RFC3: variants seen among roughly 807,000 people sequenced by gnomAD.
RFC3 encodes the protein A1 38 kDa subunit.
In RFC3, 41 loss-of-function variants were observed where a neutral mutation model predicts 45.1. The observed-to-expected ratio is 0.91, with a 90% CI of 0.71 to 1.18. RFC3 has a LOEUF of 1.18. Among genes scored for constraint, RFC3 ranks in the 50% most tolerant of loss-of-function variants. The pLI, the probability that RFC3 is intolerant of heterozygous loss-of-function variation, is 0.00. For missense variants in RFC3, 423 were observed against 428.1 expected, an observed-to-expected ratio of 0.99 and a Z score of 0.10; for synonymous variants, 149 against 144.0, an observed-to-expected ratio of 1.03 and a Z score of -0.25.
At chr13:33,834,645 A>G (rs1488516766) in intron 7 of RFC3, among the ~76,000 whole-genome samples, 4 of 152,088 alleles carry the variant, frequency 2.6e-5, no homozygotes, top group Non-Finnish European at 4.4e-5. Context: ...TTTCATGCGT[A>G]TATTATCTTG....
chr13:33,919,442 G>A (rs191395055), intron 8 of RFC3, among the ~76,000 whole-genome samples: 18 of 151,934 alleles, frequency 1.2e-4, no homozygotes, highest in East Asian at 9.7e-4. Flanking sequence ...TTATGCATAC[G>A]CTCACAAGAC....
At chr13:33,962,264 C>T (rs2083061912) in intron 8 of RFC3, among the ~76,000 whole-genome samples, 1 of 152,120 alleles carries the variant, frequency 6.6e-6, no homozygotes, top group African/African-American at 2.4e-5. Context: ...ATGGATCTGC[C>T]AAAGAAAGGA....
At chr13:33,828,565 A>C (rs1317407562) in intron 4 of RFC3, among the ~76,000 whole-genome samples, 1 of 152,100 alleles carries the variant, frequency 6.6e-6, no homozygotes, top group Non-Finnish European at 1.5e-5. Flanking sequence ...ACAGTGTCTC[A>C]CTGTGTGGCA....
chr13:33,908,380 C>T (rs1187509355), intron 8 of RFC3, among the ~76,000 whole-genome samples: 1 of 151,832 alleles, frequency 6.6e-6, no homozygotes, highest in African/African-American at 2.4e-5. Flanking sequence ...AACTTGAGTG[C>T]CAAAAGAGCT....
intron 8 of RFC3, among the ~76,000 whole-genome samples, chr13:33,858,938 C>T (rs916073878): frequency 1.3e-5 from 2 of 152,148 alleles, no homozygotes; most frequent in Admixed American, 1.3e-4. Flanking sequence ...AAACTCCATT[C>T]ACAACATACA....
chr13:33,827,771 T>C (rs1328784017), intron 4 of RFC3, among the ~76,000 whole-genome samples: 1 of 152,214 alleles, frequency 6.6e-6, no homozygotes, highest in African/African-American at 2.4e-5. Context: ...TCGTCTTTCT[T>C]GCATAACTGT....
intron 7 of RFC3, among the ~76,000 whole-genome samples, chr13:33,833,153 T>G (rs1006079216): frequency 2.6e-5 from 4 of 152,176 alleles, no homozygotes; most frequent in Admixed American, 1.3e-4. Context: ...TTCTGATCAC[T>G]GGGCTACACA....
At chr13:33,840,975 C>T (rs924013076), downstream of RFC3, among the ~76,000 whole-genome samples, 1 of 152,152 alleles carries the variant, frequency 6.6e-6, no homozygotes, top group Non-Finnish European at 1.5e-5. Flanking sequence ...GGGTCCTCAG[C>T]CCCCTGTGGC....
chr13:33,956,338 A>G (rs1419748210), intron 8 of RFC3, among the ~76,000 whole-genome samples: 1 of 152,226 alleles, frequency 6.6e-6, no homozygotes, highest in African/African-American at 2.4e-5. Flanking sequence ...GTATTAGTTT[A>G]ATCTGAGACG....
chr13:33,899,229 A>AAAAAAAAAAAAAAAAC (rs2082623089), intron 8 of RFC3, among the ~76,000 whole-genome samples: 1 of 109,388 alleles, frequency 9.1e-6, no homozygotes, highest in Non-Finnish European at 2.1e-5. Flanking sequence ...AAAAAAAAAA[A>AAAAAAAAAAAAAAAAC]GAACAAAATT....
At chr13:33,937,429 C>T (rs1019258607) in intron 8 of RFC3, among the ~76,000 whole-genome samples, 1 of 152,088 alleles carries the variant, frequency 6.6e-6, no homozygotes, top group African/African-American at 2.4e-5. Flanking sequence ...CTTATATATA[C>T]AATTTTTTAA....
chr13:33,818,330 C>T lies in RFC3; in HGVS notation c.87+65C>T, dbSNP rs370698384. 1.7e-5 allele frequency: 23 copies of T among 1,362,178 alleles called. No homozygotes were observed. In the East Asian group the frequency reaches 3.5e-4, roughly 20 times the overall value. 84.4% of individuals were successfully genotyped at this position (1,362,178 alleles called of 1,614,324 possible). The stretch of plus-strand genomic sequence containing the variant: ...CCCCCGGCTCGGGGTTTCGCGCCCC[C>T]CTGAGGAGCAGTGCTTCTCCCGCCC... On this transcript the variant is annotated intron_variant, in intron 1 of 8. Transcript: ENST00000380071.
At chr13:33,958,730 A>G (rs2083037953) in intron 8 of RFC3, among the ~76,000 whole-genome samples, 1 of 152,154 alleles carries the variant, frequency 6.6e-6, no homozygotes, top group South Asian at 2.1e-4. Context: ...TTTTTAATCC[A>G]CCATAATGTT....
chr13:33,865,086 A>T (rs960279088), intron 8 of RFC3, among the ~76,000 whole-genome samples: 1 of 152,214 alleles, frequency 6.6e-6, no homozygotes, highest in African/African-American at 2.4e-5. Context: ...CAAAATTAGA[A>T]GAATGAAGAC....
intron 8 of RFC3, among the ~76,000 whole-genome samples, chr13:33,952,084 C>T (rs2082994665): frequency 6.6e-6 from 1 of 152,206 alleles, no homozygotes; most frequent in Non-Finnish European, 1.5e-5. Flanking sequence ...ATGTAAAGCA[C>T]TGTACTTGGT....
chr13:33,917,517 G>A (rs2082740653), intron 8 of RFC3, among the ~76,000 whole-genome samples: 1 of 152,116 alleles, frequency 6.6e-6, no homozygotes, highest in Non-Finnish European at 1.5e-5. Context: ...AATGCTGCCA[G>A]CAGTGCCATT....
At chr13:33,943,310 C>T (rs1173942988) in intron 8 of RFC3, among the ~76,000 whole-genome samples, 1 of 152,118 alleles carries the variant, frequency 6.6e-6, no homozygotes, top group Non-Finnish European at 1.5e-5. Context: ...TTCTAGCCTA[C>T]AGGAAATAGA....
chr13:33,937,711 C>T (rs1381963713), intron 8 of RFC3, among the ~76,000 whole-genome samples: 1 of 152,170 alleles, frequency 6.6e-6, no homozygotes, highest in African/African-American at 2.4e-5. Flanking sequence ...AGCCGGACTC[C>T]TTATCTAAAA....
chr13:33,913,007 G>T (rs556303688), intron 8 of RFC3, among the ~76,000 whole-genome samples: 1 of 152,064 alleles, frequency 6.6e-6, no homozygotes, highest in Non-Finnish European at 1.5e-5. Context: ...AGAAACAGGG[G>T]ACACTGGGAG....
Sources: allele counts gnomAD v4.1 joint callset (sites outside exome capture counted in the v4.1 genomes callset), GRCh38; gene constraint gnomAD v4.1.1; transcripts MANE v1.5; gene names NCBI Gene and HGNC (gene_info 2026-07-23, HGNC 2026-07-21).